PHF14: variants seen among roughly 807,000 people sequenced by gnomAD.
The protein encoded by PHF14 is PHD finger protein 14.
Under a neutral mutation model 117.9 loss-of-function variants are expected in PHF14, and 55 were observed. The observed-to-expected ratio is 0.47, with a 90% CI of 0.38 to 0.58. PHF14 has a LOEUF of 0.58. PHF14 is among the 20% of genes least tolerant of loss of function. The pLI, the probability that PHF14 is intolerant of heterozygous loss-of-function variation, is 0.00. For synonymous variants in PHF14, 409 were observed against 368.6 expected (o/e 1.11, Z -1.26); for missense variants, 978 against 1,122.2 (o/e 0.87, Z 1.84).
intron 4 of PHF14, among the ~76,000 whole-genome samples, chr7:11,005,954 G>A (rs1325104761): frequency 6.6e-6 from 1 of 151,862 alleles, no homozygotes; most frequent in South Asian, 2.1e-4. Context: ...CACCTCACCC[G>A]GCTATATTTT....
At chr7:11,139,698 C>T (rs1253011427) in intron 17 of PHF14, among the ~76,000 whole-genome samples, 1 of 152,030 alleles carries the variant, frequency 6.6e-6, no homozygotes, top group South Asian at 2.1e-4. Context: ...AGTCATTTAC[C>T]TTGGTTTCTG....
At chr7:11,089,076 C>G (rs554200510) in intron 16 of PHF14, among the ~76,000 whole-genome samples, 14 of 150,770 alleles carry the variant, frequency 9.3e-5, no homozygotes, top group African/African-American at 3.2e-4. Flanking sequence ...CACAGACAGA[C>G]ACAAAGATTA....
At chr7:11,118,517 T>G (rs1368553760) in intron 17 of PHF14, among the ~76,000 whole-genome samples, 2 of 151,866 alleles carry the variant, frequency 1.3e-5, no homozygotes, top group African/African-American at 4.8e-5. Flanking sequence ...GTTGGTACTT[T>G]GCTTTAAAAA....
At chr7:11,024,086 A>G (rs1304232346) in intron 6 of PHF14, among the ~76,000 whole-genome samples, 1 of 152,226 alleles carries the variant, frequency 6.6e-6, no homozygotes, top group African/African-American at 2.4e-5. Flanking sequence ...ATGATAAGAA[A>G]GTGAAGCTGC....
intron 14 of PHF14, among the ~76,000 whole-genome samples, chr7:11,053,178 C>CA (rs1396834941): frequency 6.6e-6 from 1 of 151,958 alleles, no homozygotes; most frequent in Non-Finnish European, 1.5e-5. Context: ...ACAGTTTTCT[C>CA]AAAAAACATT....
chr7:11,030,179 A>T (rs1294419871), intron 7 of PHF14, among the ~76,000 whole-genome samples: 1 of 151,288 alleles, frequency 6.6e-6, no homozygotes, highest in Non-Finnish European at 1.5e-5. Flanking sequence ...TAGAGTTATA[A>T]TTATACGGTA....
chr7:11,085,979 G>A (rs1310025971), intron 16 of PHF14, among the ~76,000 whole-genome samples: 1 of 151,968 alleles, frequency 6.6e-6, no homozygotes, highest in Non-Finnish European at 1.5e-5. Flanking sequence ...GTTGTAACTT[G>A]TCTAGTTACA....
intron 2 of PHF14, among the ~76,000 whole-genome samples, chr7:10,981,341 A>G (rs1415713870): frequency 6.6e-6 from 1 of 152,122 alleles, no homozygotes; most frequent in Admixed American, 6.6e-5. Flanking sequence ...CCCATCTCCT[A>G]CTGCTCCCTG....
At chr7:11,165,113 C>G (rs187101153) in intron 17 of PHF14, among the ~76,000 whole-genome samples, 17 of 152,232 alleles carry the variant, frequency 1.1e-4, no homozygotes, top group African/African-American at 4.1e-4. Context: ...TTAGTAGAGA[C>G]GGGGTTTCAC....
chr7:10,996,794 A>C (rs1362216588), intron 4 of PHF14, among the ~76,000 whole-genome samples: 1 of 152,174 alleles, frequency 6.6e-6, no homozygotes, highest in African/African-American at 2.4e-5. Context: ...CTTCTTTGCT[A>C]ATGCTGCGGT....
intron 17 of PHF14, among the ~76,000 whole-genome samples, chr7:11,140,482 C>A (rs961687355): frequency 6.6e-6 from 1 of 152,022 alleles, no homozygotes; most frequent in Non-Finnish European, 1.5e-5. Context: ...CAAATATGTA[C>A]AGTATAGGAG....
chr7:11,047,843 AAGGG>A (rs1054533955), intron 13 of PHF14, among the ~76,000 whole-genome samples: 29 of 101,200 alleles, frequency 2.9e-4, no homozygotes, highest in Admixed American at 7.6e-4. Context: ...GGAAGGAAAG[AAGGG>A]AGGGAGGGAG....
At chr7:11,068,688 T>C (rs562365516) in intron 16 of PHF14, among the ~76,000 whole-genome samples, 256 of 152,318 alleles carry the variant, frequency 1.7e-3, no homozygotes, top group Non-Finnish European at 2.5e-3. Context: ...CAATGCTATG[T>C]ATATTTTACC....
intron 13 of PHF14, among the ~76,000 whole-genome samples, chr7:11,049,403 A>C (rs1434186090): frequency 6.6e-6 from 1 of 150,962 alleles, no homozygotes; most frequent in African/African-American, 2.4e-5. Flanking sequence ...TGAATGGGGA[A>C]GGTGGAGGTT....
chr7:11,000,126 A>G (rs1454578830), intron 4 of PHF14, among the ~76,000 whole-genome samples: 1 of 152,108 alleles, frequency 6.6e-6, no homozygotes, highest in African/African-American at 2.4e-5. Flanking sequence ...AACTTTATAT[A>G]TGTTCCAAGT....
intron 17 of PHF14, among the ~76,000 whole-genome samples, chr7:11,147,332 CT>C (rs1205184465): frequency 2.6e-5 from 4 of 152,144 alleles, no homozygotes; most frequent in Non-Finnish European, 5.9e-5. Context: ...TACTGTGATT[CT>C]TTTGGTCTTT....
At chr7:11,104,708 G>A (rs186273300) in intron 16 of PHF14, 191 of 790,798 alleles carry the variant, frequency 2.4e-4, no homozygotes, top group Admixed American at 5.0e-4. Flanking sequence ...AAAAACACAG[G>A]TGACTACCCT....
chr7:11,106,843 A>G (rs1787282230), intron 16 of PHF14: 3 of 984,154 alleles, frequency 3.0e-6, no homozygotes, highest in Non-Finnish European at 3.6e-6. Flanking sequence ...GGACAGACAT[A>G]ATAGTCTATA....
intron 2 of PHF14, among the ~76,000 whole-genome samples, chr7:10,978,073 A>T (rs1348791007): frequency 6.6e-6 from 1 of 152,190 alleles, no homozygotes; most frequent in Admixed American, 6.5e-5. Flanking sequence ...GATCTTGATC[A>T]AAAGTTAGTT....
Sources: gnomAD v4.1 joint callset for allele counts (sites outside exome capture counted in the v4.1 genomes callset) on GRCh38, gnomAD v4.1.1 for gene constraint, MANE v1.5 for transcripts, NCBI Gene and HGNC (gene_info 2026-07-23, HGNC 2026-07-21) for gene names.